PDZRN3: variants seen among roughly 807,000 people sequenced by gnomAD.
PDZRN3 encodes PDZ domain containing ring finger 3.
A neutral mutation model predicts 85.7 loss-of-function variants in PDZRN3; 38 were observed. The observed-to-expected ratio is 0.44, with a 90% confidence interval of 0.34 to 0.58. The LOEUF is 0.58. PDZRN3 is among the 20% of genes least tolerant of loss of function. PDZRN3 has a pLI of 0.01. For synonymous variants in PDZRN3, 759 were observed against 638.0 expected (o/e 1.19, Z -2.86); for missense variants, 1,629 against 1,506.4 (o/e 1.08, Z -1.35).
intron 3 of PDZRN3, among the ~76,000 whole-genome samples, chr3:73,500,184 GA>G (rs953528017): frequency 8.6e-5 from 13 of 151,906 alleles, no homozygotes; most frequent in Non-Finnish European, 2.9e-5. Flanking sequence ...AAGTAGCTGG[GA>G]CTACAGGCAT....
chr3:73,529,983 G>C (rs1704615851), intron 3 of PDZRN3, among the ~76,000 whole-genome samples: 1 of 152,152 alleles, frequency 6.6e-6, no homozygotes, highest in Non-Finnish European at 1.5e-5. Flanking sequence ...GCAAGTGTAA[G>C]CATTCCATAA....
intron 3 of PDZRN3, among the ~76,000 whole-genome samples, chr3:73,490,363 G>A: frequency 6.6e-6 from 1 of 152,174 alleles, no homozygotes; most frequent in East Asian, 1.9e-4. Context: ...ATCACACTGT[G>A]CTCCTGTTAG....
intron 3 of PDZRN3, among the ~76,000 whole-genome samples, chr3:73,454,301 T>C (rs956491115): frequency 1.1e-4 from 17 of 152,056 alleles, no homozygotes. Flanking sequence ...TAGAGAAACT[T>C]GGAGTAGGGA....
At chr3:73,450,106 C>T (rs1177487896) in intron 3 of PDZRN3, among the ~76,000 whole-genome samples, 1 of 152,164 alleles carries the variant, frequency 6.6e-6, no homozygotes. Flanking sequence ...AATAAGTCAG[C>T]CCAGTTCCAC....
intron 3 of PDZRN3, among the ~76,000 whole-genome samples, chr3:73,428,904 T>TC (rs62883261): frequency 1.0e-3 from 158 of 151,630 alleles, no homozygotes; most frequent in African/African-American, 3.0e-3. Flanking sequence ...GTTTTTTTTT[T>TC]CCCCCAGAGA....
At chr3:73,422,353 C>A (rs1486512265) in intron 3 of PDZRN3, among the ~76,000 whole-genome samples, 2 of 152,166 alleles carry the variant, frequency 1.3e-5, no homozygotes, top group East Asian at 3.9e-4. Flanking sequence ...GCTGTCTCAT[C>A]TGTGAAATGG....
At chr3:73,624,006 G>A (rs1471856014) in intron 1 of PDZRN3, 97 bp downstream of exon 1, 33 of 1,189,660 alleles carry the variant, frequency 2.8e-5, no homozygotes, top group Non-Finnish European at 3.4e-5. Context: ...GGATGTTCCC[G>A]GGAAGCTCGG....
At chr3:73,418,042 G>C in intron 3 of PDZRN3, among the ~76,000 whole-genome samples, 1 of 152,130 alleles carries the variant, frequency 6.6e-6, no homozygotes, top group East Asian at 1.9e-4. Context: ...TTATAAATGT[G>C]ATTTACAAAT....
chr3:73,476,119 C>A (rs1309763772), intron 3 of PDZRN3, among the ~76,000 whole-genome samples: 2 of 152,180 alleles, frequency 1.3e-5, no homozygotes, highest in East Asian at 3.8e-4. Flanking sequence ...GGTACACAGG[C>A]CCTTGGATAA....
At chr3:73,575,249 T>G (rs766331335) in intron 3 of PDZRN3, among the ~76,000 whole-genome samples, 1 of 152,118 alleles carries the variant, frequency 6.6e-6, no homozygotes, top group Admixed American at 6.5e-5. Context: ...AGTATGTGTG[T>G]TTTTTGCAGT....
At chr3:73,586,915 T>A (rs888553785) in intron 3 of PDZRN3, among the ~76,000 whole-genome samples, 18 of 152,194 alleles carry the variant, frequency 1.2e-4, no homozygotes, top group Non-Finnish European at 2.4e-4. Context: ...GCAGGGCCCA[T>A]GAACTTTGCC....
intron 3 of PDZRN3, among the ~76,000 whole-genome samples, chr3:73,428,258 G>A (rs1702358551): frequency 6.6e-6 from 1 of 152,186 alleles, no homozygotes; most frequent in Non-Finnish European, 1.5e-5. Context: ...GGTGGGTCGG[G>A]TGAACGTGTT....
At chr3:73,427,859 T>A (rs1471938782) in intron 3 of PDZRN3, among the ~76,000 whole-genome samples, 2 of 152,104 alleles carry the variant, frequency 1.3e-5, no homozygotes, top group African/African-American at 4.8e-5. Context: ...TCCAGGAGGT[T>A]GGGGTTGAAA....
chr3:73,452,408 G>A (rs762498807), intron 3 of PDZRN3, among the ~76,000 whole-genome samples: 1 of 152,150 alleles, frequency 6.6e-6, no homozygotes, highest in African/African-American at 2.4e-5. Context: ...CAAAATAGCT[G>A]CCACAGAGAG....
chr3:73,493,562 C>T (rs141318507), intron 3 of PDZRN3, among the ~76,000 whole-genome samples: 24 of 152,176 alleles, frequency 1.6e-4, no homozygotes, highest in Non-Finnish European at 3.4e-4. Context: ...GACTCAAATC[C>T]CTGGTATCCC....
At chr3:73,427,910 C>T (rs1702350268) in intron 3 of PDZRN3, among the ~76,000 whole-genome samples, 1 of 152,146 alleles carries the variant, frequency 6.6e-6, no homozygotes, top group African/African-American at 2.4e-5. Flanking sequence ...GAGCGGTGCA[C>T]AGAGAGGTTA....
chr3:73,520,453 G>A (rs779806052), intron 3 of PDZRN3, among the ~76,000 whole-genome samples: 18 of 151,792 alleles, frequency 1.2e-4, no homozygotes, highest in Middle Eastern at 3.4e-3. Context: ...GCAGTGAGCC[G>A]AGATCCCACC....
At chr3:73,614,181 T>TG (rs1477966673) in intron 1 of PDZRN3, among the ~76,000 whole-genome samples, 4 of 152,172 alleles carry the variant, frequency 2.6e-5, no homozygotes, top group Non-Finnish European at 4.4e-5. Context: ...AAGAATTGGT[T>TG]GGGGGAAGAA....
chr3:73,404,419 G>A (rs1246993975), intron 3 of PDZRN3, 24 bp from the exon 4 acceptor site: 1 of 1,603,424 alleles, frequency 6.2e-7, no homozygotes, highest in Non-Finnish European at 8.5e-7. Flanking sequence ...TTTAGGGTGG[G>A]ACAAGGTTAG....
Sources: gnomAD v4.1 joint callset for allele counts (sites outside exome capture counted in the v4.1 genomes callset) on GRCh38, gnomAD v4.1.1 for gene constraint, MANE v1.5 for transcripts, NCBI Gene and HGNC (gene_info 2026-07-23, HGNC 2026-07-21) for gene names.